Variants in TAFA1 observed in about 807,000 individuals in gnomAD.
The protein encoded by TAFA1 is chemokine-like protein TAFA-1.
A neutral mutation model predicts 18.5 loss-of-function variants in TAFA1; 4 were observed. The ratio of observed to expected loss-of-function variants is 0.22; its 90% CI spans 0.11 to 0.49. TAFA1 has a LOEUF of 0.49. Among genes scored for constraint, TAFA1 ranks in the 20% least tolerant of loss-of-function variants. The pLI is 0.98. For synonymous variants in TAFA1, 56 were observed against 55.2 expected, an observed-to-expected ratio of 1.01 and a Z score of -0.06; for missense variants, 147 against 169.0, an observed-to-expected ratio of 0.87 and a Z score of 0.72.
chr3:68,335,251 G>C (rs1016856826), intron 2 of TAFA1, among the ~76,000 whole-genome samples: 3 of 152,106 alleles, frequency 2.0e-5, no homozygotes, highest in African/African-American at 7.2e-5. Context: ...TATCACCAAC[G>C]CTTTTATTTA....
intron 3 of TAFA1, among the ~76,000 whole-genome samples, chr3:68,533,870 G>A (rs1157622129): frequency 1.3e-5 from 2 of 152,006 alleles, no homozygotes; most frequent in Non-Finnish European, 2.9e-5. Flanking sequence ...GTGAGTTTGT[G>A]GTCCTGAGAT....
chr3:68,467,988 T>C (rs2071922854), intron 3 of TAFA1, among the ~76,000 whole-genome samples: 1 of 152,198 alleles, frequency 6.6e-6, no homozygotes, highest in Non-Finnish European at 1.5e-5. Flanking sequence ...AGCCTCTGTC[T>C]TTTAAAAGTA....
At chr3:68,231,344 ATTTTT>A (rs1175174572) in intron 2 of TAFA1, among the ~76,000 whole-genome samples, 3 of 79,876 alleles carry the variant, frequency 3.8e-5, no homozygotes, top group Admixed American at 1.4e-4. Context: ...AATCTATTTG[ATTTTT>A]TTTTTTTTTT....
intron 3 of TAFA1, among the ~76,000 whole-genome samples, chr3:68,487,333 G>C (rs2072362790): frequency 6.6e-6 from 1 of 152,094 alleles, no homozygotes; most frequent in Non-Finnish European, 1.5e-5. Context: ...CAAAAGAAAA[G>C]AATAGCCAAG....
intron 2 of TAFA1, among the ~76,000 whole-genome samples, chr3:68,009,915 A>G (rs1704437424): frequency 6.6e-6 from 1 of 152,122 alleles, no homozygotes; most frequent in Non-Finnish European, 1.5e-5. Flanking sequence ...AAATGAACAA[A>G]TAAATAAATA....
intron 2 of TAFA1, among the ~76,000 whole-genome samples, chr3:68,297,088 G>T (rs755353599): frequency 6.6e-6 from 1 of 152,144 alleles, no homozygotes; most frequent in Non-Finnish European, 1.5e-5. Context: ...ATTCAAGGAG[G>T]TCAGAGCAAG....
chr3:68,396,523 T>C (rs1203512940), intron 2 of TAFA1, among the ~76,000 whole-genome samples: 1 of 152,212 alleles, frequency 6.6e-6, no homozygotes, highest in Admixed American at 6.5e-5. Flanking sequence ...GCTGCTTTCA[T>C]TGACTGTGTT....
chr3:68,519,979 A>C (rs140693304), intron 3 of TAFA1, among the ~76,000 whole-genome samples: 108 of 152,346 alleles, frequency 7.1e-4, no homozygotes, highest in African/African-American at 2.4e-3. Context: ...AGATGAAATG[A>C]AAGGAAGTAA....
At chr3:68,544,412 C>G in intron 4 of TAFA1, 74 bp from the exon 5 acceptor site, 1 of 1,471,690 alleles carries the variant, frequency 6.8e-7, no homozygotes, top group Non-Finnish European at 9.4e-7. Context: ...TCCTCCTTTT[C>G]TACATAATCA....
intron 2 of TAFA1, among the ~76,000 whole-genome samples, chr3:68,392,192 A>C (rs2070272429): frequency 6.6e-6 from 1 of 151,886 alleles, no homozygotes; most frequent in Non-Finnish European, 1.5e-5. Context: ...AAAAAAAAAA[A>C]AAAAGTAGGG....
intron 2 of TAFA1, among the ~76,000 whole-genome samples, chr3:68,073,867 G>T (rs971679098): frequency 1.3e-5 from 2 of 152,138 alleles, no homozygotes; most frequent in Non-Finnish European, 2.9e-5. Context: ...TTGGCACCAG[G>T]AACAGGTTTT....
chr3:68,387,628 T>C (rs1390354988), intron 2 of TAFA1, among the ~76,000 whole-genome samples: 1 of 152,130 alleles, frequency 6.6e-6, no homozygotes. Flanking sequence ...TTAGATTGAT[T>C]TATTTTCCCA....
chr3:68,033,390 A>G (rs73837250), intron 2 of TAFA1, among the ~76,000 whole-genome samples: 4,416 of 152,282 alleles, frequency 0.029, 93 homozygotes, highest in East Asian at 0.13. Context: ...TATATCCTTT[A>G]GGAGCATTGG....
chr3:68,188,101 CT>C lies in TAFA1; in HGVS notation c.118+181358del, dbSNP rs770312318. Among the ~76,000 whole-genome samples, 14 of 151,926 alleles carry C rather than the reference CT, an allele frequency of 9.2e-5. No homozygotes were observed. The East Asian group carries it at 2.1e-3, about 23-fold the overall frequency. ...TTCCATATTCTATTCTGTGGATTGC[CT>C]ATTCATATTCTTGAGGATGTTTATT... On this transcript the variant is annotated intron_variant, in intron 2 of 4. Transcript: ENST00000478136.
At chr3:68,376,619 G>T (rs1351401982) in intron 2 of TAFA1, among the ~76,000 whole-genome samples, 1 of 152,124 alleles carries the variant, frequency 6.6e-6, no homozygotes, top group Non-Finnish European at 1.5e-5. Context: ...GTATTCCATG[G>T]GGTATATGTA....
intron 2 of TAFA1, among the ~76,000 whole-genome samples, chr3:68,125,587 G>A (rs780478098): frequency 4.6e-5 from 7 of 152,124 alleles, no homozygotes; most frequent in East Asian, 1.9e-4. Flanking sequence ...TTAAGCTCAC[G>A]TATGAAATCC....
chr3:68,254,109 G>GTATGTATGTATA (rs769464956), intron 2 of TAFA1, among the ~76,000 whole-genome samples: 1 of 106,986 alleles, frequency 9.3e-6, no homozygotes, highest in Non-Finnish European at 1.9e-5. Context: ...ACCTGTCTAT[G>GTATGTATGTATA]TATGTATGTA....
At chr3:68,512,686 TTGTTTG>T (rs2072867123) in intron 3 of TAFA1, among the ~76,000 whole-genome samples, 1 of 33,516 alleles carries the variant, frequency 3.0e-5, no homozygotes, top group Non-Finnish European at 5.6e-5. Flanking sequence ...GGTTTTTTGT[TTGTTTG>T]TTTGTTTGTT....
chr3:68,363,154 G>A (rs2069501677), intron 2 of TAFA1, among the ~76,000 whole-genome samples: 1 of 151,966 alleles, frequency 6.6e-6, no homozygotes, highest in Non-Finnish European at 1.5e-5. Context: ...TTATTACAAA[G>A]CCTGAGAGCT....
Sources: gnomAD v4.1 joint callset for allele counts (sites outside exome capture counted in the v4.1 genomes callset) on GRCh38, gnomAD v4.1.1 for gene constraint, MANE v1.5 for transcripts, NCBI Gene and HGNC (gene_info 2026-07-23, HGNC 2026-07-21) for gene names.